GPC3: variants seen among roughly 807,000 people sequenced by gnomAD.
The protein encoded by GPC3 is glypican-3.
A neutral mutation model predicts 34.4 loss-of-function variants in GPC3; 3 were observed. That is an observed-to-expected ratio of 0.09 (90% confidence interval 0.04 to 0.23). The LOEUF (loss-of-function observed/expected upper bound fraction) is 0.23, where lower values mean the gene tolerates loss of function less well. GPC3 is among the 10% of genes least tolerant of loss of function. The probability of loss-of-function intolerance (pLI) is 1.00; values close to 1 mark genes in which losing one functional copy is unlikely to be tolerated. For missense variants in GPC3, 351 were observed against 445.6 expected (o/e 0.79, Z 1.91); for synonymous variants, 177 against 174.0 (o/e 1.02, Z -0.13).
chrX:133,951,995 T>C (rs183438072), intron 2 of GPC3, among the ~76,000 whole-genome samples: 137 of 111,295 alleles, frequency 1.2e-3, no homozygotes, highest in Admixed American at 2.3e-3. Flanking sequence ...CTGACCTCGA[T>C]CCTCTCTTGG....
chrX:133,637,347 G>A (rs2070438295), intron 6 of GPC3, among the ~76,000 whole-genome samples: 1 of 109,903 alleles, frequency 9.1e-6, no homozygotes, highest in African/African-American at 3.3e-5. Flanking sequence ...AACCCGGAAG[G>A]TGGAGGTTGC....
intron 6 of GPC3, among the ~76,000 whole-genome samples, chrX:133,624,125 A>C (rs1482363162): frequency 1.8e-5 from 2 of 110,714 alleles, no homozygotes; most frequent in Admixed American, 9.6e-5. Flanking sequence ...ACAAAGACAC[A>C]ACATACCAGA....
At chrX:133,624,944 G>A (rs1455751592) in intron 6 of GPC3, among the ~76,000 whole-genome samples, 1 of 111,627 alleles carries the variant, frequency 9.0e-6, no homozygotes, top group Non-Finnish European at 1.9e-5. Context: ...AAATCCAGCA[G>A]CACATCAAAA....
chrX:133,763,524 T>G, intron 2 of GPC3: 1 of 552,461 alleles, frequency 1.8e-6, no homozygotes, highest in Non-Finnish European at 3.3e-6. Flanking sequence ...CTACTCAGCC[T>G]GAGGTGACAG....
chrX:133,669,451 GCATTAATT>G (rs1243304289), intron 5 of GPC3, among the ~76,000 whole-genome samples: 2 of 111,899 alleles, frequency 1.8e-5, no homozygotes, highest in Non-Finnish European at 3.8e-5. Flanking sequence ...CTGCAGCTTT[GCATTAATT>G]CATTAATTCA....
intron 3 of GPC3, among the ~76,000 whole-genome samples, chrX:133,727,273 C>T (rs1412985172): frequency 1.8e-5 from 2 of 111,450 alleles, no homozygotes; most frequent in African/African-American, 6.5e-5. Flanking sequence ...GGGCTGTGTG[C>T]GGTGGCTCAC....
chrX:133,645,399 C>A lies in GPC3; in HGVS notation c.1413+16331G>T, dbSNP rs552088415. Among the ~76,000 whole-genome samples, 13 of 111,627 alleles carry A rather than the reference C, an allele frequency of 1.2e-4. No homozygotes were observed. In the South Asian group the frequency reaches 5.0e-3, roughly 43 times the overall value. ...TTATCATGTTCTCTTCCTTGTTGGACCCTCTATAAATACACCCAGATTGCG... is the reference window on the plus strand; with the variant it reads ...TTATCATGTTCTCTTCCTTGTTGGAACCTCTATAAATACACCCAGATTGCG... On this transcript the variant is annotated intron_variant, in intron 6 of 7. Transcript: ENST00000370818.
intron 2 of GPC3, among the ~76,000 whole-genome samples, chrX:133,863,975 T>G (rs1406332738): frequency 8.9e-6 from 1 of 111,769 alleles, no homozygotes; most frequent in East Asian, 2.8e-4. Context: ...CTAAGAGAGA[T>G]AACACACTAC....
At chrX:133,684,992 T>C (rs2070984552) in intron 5 of GPC3, among the ~76,000 whole-genome samples, 1 of 110,279 alleles carries the variant, frequency 9.1e-6, no homozygotes. Flanking sequence ...AATTTTTAGG[T>C]ACAACATACA....
intron 2 of GPC3, among the ~76,000 whole-genome samples, chrX:133,946,125 T>C (rs1014309620): frequency 8.9e-6 from 1 of 112,216 alleles, no homozygotes; most frequent in African/African-American, 3.2e-5. Context: ...TTAGACATGC[T>C]ATCCAGTTGC....
chrX:133,817,261 G>A (rs1311618669), intron 2 of GPC3, among the ~76,000 whole-genome samples: 1 of 110,979 alleles, frequency 9.0e-6, no homozygotes, highest in East Asian at 2.8e-4. Flanking sequence ...TTTTCTTCTA[G>A]CGTGTAGACT....
intron 7 of GPC3, among the ~76,000 whole-genome samples, chrX:133,543,666 A>G (rs2069360165): frequency 8.9e-6 from 1 of 112,499 alleles, no homozygotes; most frequent in Non-Finnish European, 1.9e-5. Context: ...CTGTTTCTCA[A>G]TCTGGAGTAT....
chrX:133,861,042 CA>C (rs1179445920), intron 2 of GPC3, among the ~76,000 whole-genome samples: 1 of 111,347 alleles, frequency 9.0e-6, no homozygotes, highest in Non-Finnish European at 1.9e-5. Flanking sequence ...GTTGAATCTG[CA>C]GTGGTCATGC....
intron 2 of GPC3, among the ~76,000 whole-genome samples, chrX:133,796,180 C>T (rs1194478706): frequency 1.8e-5 from 2 of 110,948 alleles, no homozygotes; most frequent in Non-Finnish European, 3.8e-5. Context: ...CTCCTCACCT[C>T]GTGATCTGCC....
chrX:133,754,218 A>C, intron 2 of GPC3, 42 bp from the exon 3 acceptor site: 1 of 974,658 alleles, frequency 1.0e-6, no homozygotes, highest in Non-Finnish European at 1.4e-6. Context: ...ATGTGTACAA[A>C]TTAAAGCATG....
At chrX:133,889,502 A>C (rs2124588696) in intron 2 of GPC3, among the ~76,000 whole-genome samples, 1 of 112,216 alleles carries the variant, frequency 8.9e-6, no homozygotes, top group African/African-American at 3.2e-5. Context: ...GTTAAAACAT[A>C]ACACTCCAGT....
intron 4 of GPC3, among the ~76,000 whole-genome samples, chrX:133,697,900 G>A (rs760661575): frequency 3.6e-5 from 4 of 111,497 alleles, no homozygotes; most frequent in Non-Finnish European, 7.5e-5. Flanking sequence ...CACCTGATCC[G>A]TTGCCGCTTT....
intron 2 of GPC3, among the ~76,000 whole-genome samples, chrX:133,800,451 T>C (rs1176100669): frequency 8.9e-6 from 1 of 112,193 alleles, no homozygotes; most frequent in Non-Finnish European, 1.9e-5. Flanking sequence ...CTAAATCTGA[T>C]TTCATCTACT....
chrX:133,725,464 C>T (rs2071398994), intron 3 of GPC3, among the ~76,000 whole-genome samples: 1 of 112,506 alleles, frequency 8.9e-6, no homozygotes. Flanking sequence ...TTAGTAGACA[C>T]AATTATGCTG....
Sources: allele counts gnomAD v4.1 joint callset (sites outside exome capture counted in the v4.1 genomes callset), GRCh38; gene constraint gnomAD v4.1.1; transcripts MANE v1.5; gene names NCBI Gene and HGNC (gene_info 2026-07-23, HGNC 2026-07-21).